Variants in KIF9 observed in about 807,000 individuals in gnomAD.
The protein encoded by KIF9 is kinesin-like protein KIF9.
KIF9 carries 68 observed loss-of-function variants against 94.8 expected under a neutral mutation model. The ratio of observed to expected loss-of-function variants is 0.72; its 90% CI spans 0.59 to 0.88. The LOEUF (loss-of-function observed/expected upper bound fraction) is 0.88. Among genes scored for constraint, KIF9 ranks in the 40% least tolerant of loss-of-function variants. The probability of loss-of-function intolerance (pLI) is 0.00; values close to 1 mark genes in which losing one functional copy is unlikely to be tolerated. For synonymous variants in KIF9, 343 were observed against 362.1 expected (o/e 0.95, Z 0.60); for missense variants, 882 against 982.5 (o/e 0.90, Z 1.37).
chr3:47,267,161 T>G lies in KIF9; in HGVS notation c.675+19A>C. ...GAATTGACTGCCCCGCCTGGGCTGATCAAAGAGCTTGCACCTACCTCTAAG... is the reference window on the plus strand; with the variant it reads ...GAATTGACTGCCCCGCCTGGGCTGAGCAAAGAGCTTGCACCTACCTCTAAG... On this transcript the variant is annotated intron_variant, in intron 6 of 20. Transcript: ENST00000684063. 6.2e-7 allele frequency: 1 copy of G among 1,609,228 alleles called. No homozygotes were observed. Among genetic ancestry groups the G allele is most frequent in the Non-Finnish European group, 8.5e-7 (1 of 1,175,578 alleles).
intron 16 of KIF9, among the ~76,000 whole-genome samples, chr3:47,242,205 AG>A: frequency 6.6e-6 from 1 of 152,318 alleles, no homozygotes; most frequent in Non-Finnish European, 1.5e-5. Context: ...TGAATGGCTA[AG>A]GCCATGCAGT....
rs1699903347 is a variant in KIF9, at chr3:47,246,047, CCA to C, written c.1289+148_1289+149del. Reference sequence around the variant, plus strand: ...TCCAATTAATGAACTCACTGAATATCCACCAGGGACCCAGGCATGCCCCCAAG... The same window carrying C: ...TCCAATTAATGAACTCACTGAATATCCCAGGGACCCAGGCATGCCCCCAAG... On this transcript the variant is annotated intron_variant, in intron 13 of 20. Transcript: ENST00000684063. The C allele has an allele frequency of 6.5e-6, 4 of 619,576 alleles. No homozygotes were observed. The South Asian group carries it at 8.7e-5, about 13-fold the overall frequency. 38.4% of individuals were successfully genotyped at this position (619,576 alleles called of 1,614,324 possible). A position where few individuals can be genotyped will look rare whatever the true frequency, so the allele number is the denominator to read the frequency against.
At position 47,265,722 on chromosome 3, in the gene KIF9, C is replaced by CCCCT; in HGVS notation, c.916+4_916+7dup. ...CCTCCTCCCTGGGCAGCAACTGTAC[C>CCCCT]CCCTCACCTAACGAGTCCTTCAGAG... On this transcript the variant is annotated splice_region_variant and intron_variant, in intron 8 of 20. Transcript: ENST00000684063. 1 of 1,613,744 alleles carries CCCCT rather than the reference C, an allele frequency of 6.2e-7. No homozygotes were observed. Among genetic ancestry groups the CCCCT allele is most frequent in the Non-Finnish European group, 8.5e-7 (1 of 1,179,716 alleles).
rs1264737905 is a variant in KIF9 at position 47,277,271 on chromosome 3, A to G, written c.93+11T>C. ...GGCCCAGTCAGTTGAAGGCAAACAC[A>G]TCGCACTTACTCTTTTGTCATCTCC... On this transcript the variant is annotated intron_variant, in intron 2 of 20. Coordinates refer to ENST00000684063, the MANE Select transcript of KIF9 (RefSeq NM_182902.4). The G allele has an allele frequency of 3.1e-6, 5 of 1,606,484 alleles. No homozygotes were observed. Among genetic ancestry groups the G allele is most frequent in the Admixed American group, 1.7e-5 (1 of 59,936 alleles).
intron 10 of KIF9, among the ~76,000 whole-genome samples, chr3:47,248,869 G>A (rs934984129): frequency 6.6e-6 from 1 of 151,998 alleles, no homozygotes; most frequent in Non-Finnish European, 1.5e-5. Context: ...TCAGCCTCCT[G>A]AGTAGGTCAT....
At chr3:47,272,108 A>T (rs961308128) in intron 4 of KIF9, among the ~76,000 whole-genome samples, 6 of 151,900 alleles carry the variant, frequency 3.9e-5, no homozygotes. Context: ...TGACAGTGAG[A>T]CTCCATCTAA....
chr3:47,232,938 G>A (rs1698711171), intron 20 of KIF9, among the ~76,000 whole-genome samples: 1 of 145,274 alleles, frequency 6.9e-6, no homozygotes, highest in South Asian at 2.2e-4. Context: ...CCGAGATCAC[G>A]CCACTGCATT....
intron 12 of KIF9, 30 bp downstream of exon 12, chr3:47,247,343 G>A (rs1033325331): frequency 6.7e-6 from 10 of 1,501,782 alleles, no homozygotes; most frequent in East Asian, 2.3e-5. Context: ...CAGGCTGGCT[G>A]AGCATAGTGG....
At chr3:47,271,141 C>A in intron 5 of KIF9, 96 bp downstream of exon 5, 2 of 874,480 alleles carry the variant, frequency 2.3e-6, no homozygotes, top group South Asian at 1.7e-5. Context: ...AAGATCCTGT[C>A]TCAAAAAAAG....
At chr3:47,234,254 C>T (rs1158509200) in intron 20 of KIF9, among the ~76,000 whole-genome samples, 1 of 149,216 alleles carries the variant, frequency 6.7e-6, no homozygotes, top group Admixed American at 6.7e-5. Context: ...TTTTTGGAGA[C>T]GGAGTCTCTC....
intron 20 of KIF9, chr3:47,231,819 T>C (rs1279627299): frequency 6.6e-6 from 1 of 152,218 alleles, no homozygotes; most frequent in Non-Finnish European, 1.5e-5. Flanking sequence ...GAGACCCCTA[T>C]GCTTAAGCCT....
At chr3:47,281,202 G>A (rs560327579) in intron 1 of KIF9, 1 of 599,482 alleles carries the variant, frequency 1.7e-6, no homozygotes, top group East Asian at 2.8e-5. Flanking sequence ...ACTACTGAGA[G>A]AGTCCCAAGG....
At chr3:47,261,852 G>A (rs559203247) in intron 9 of KIF9, among the ~76,000 whole-genome samples, 22 of 152,330 alleles carry the variant, frequency 1.4e-4, no homozygotes, top group African/African-American at 4.6e-4. Flanking sequence ...CCTACTCCAA[G>A]TACAGCCGCA....
At chr3:47,239,795 G>A in intron 17 of KIF9, 1 of 1,366,130 alleles carries the variant, frequency 7.3e-7, no homozygotes, top group Admixed American at 1.9e-5. Flanking sequence ...CTGTGAGTGA[G>A]ATGATGCATC....
At chr3:47,230,351 G>C (rs148184038) in intron 20 of KIF9, among the ~76,000 whole-genome samples, 2 of 152,096 alleles carry the variant, frequency 1.3e-5, no homozygotes, top group Non-Finnish European at 2.9e-5. Context: ...GCCCAGGCAG[G>C]AGGATCCCTT....
chr3:47,282,477 C>A lies in KIF9; in HGVS notation c.-6+18G>T. On this transcript the variant is annotated intron_variant, in intron 1 of 20. Coordinates refer to ENST00000684063, the MANE Select transcript of KIF9 (RefSeq NM_182902.4). ...TTTCCCGTCTCCCCACTCCCACCGG[C>A]GAGCAGCCCCTGCTCACCGTTCACC... 1 of 989,048 alleles carries A rather than the reference C, an allele frequency of 1.0e-6. No homozygotes were observed. Among genetic ancestry groups the A allele is most frequent in the Non-Finnish European group, 1.2e-6 (1 of 831,532 alleles). The allele number at this position is 989,048 out of a possible 1,614,324, so 61.3% of individuals were successfully genotyped here. A position where few individuals can be genotyped will look rare whatever the true frequency, so the allele number is the denominator to read the frequency against.
intron 9 of KIF9, among the ~76,000 whole-genome samples, chr3:47,261,941 G>A (rs1701000709): frequency 6.6e-6 from 1 of 152,242 alleles, no homozygotes; most frequent in African/African-American, 2.4e-5. Context: ...AATCCATGAT[G>A]AGAATAGTTT....
intron 3 of KIF9, 78 bp from the exon 4 acceptor site, chr3:47,273,736 T>A: frequency 7.8e-7 from 1 of 1,280,536 alleles, no homozygotes; most frequent in Non-Finnish European, 1.1e-6. Flanking sequence ...GCATGCCTGG[T>A]GCCAGCCAGG....
intron 20 of KIF9, among the ~76,000 whole-genome samples, chr3:47,233,351 G>GCACA (rs1698752153): frequency 9.4e-6 from 1 of 106,682 alleles, no homozygotes; most frequent in Non-Finnish European, 1.7e-5. Flanking sequence ...GACAGAGTGA[G>GCACA]ACTCTGTCTC....
Sources: gnomAD v4.1 joint callset for allele counts (sites outside exome capture counted in the v4.1 genomes callset) on GRCh38, gnomAD v4.1.1 for gene constraint, MANE v1.5 for transcripts, NCBI Gene and HGNC (gene_info 2026-07-23, HGNC 2026-07-21) for gene names.